Variants in MYO9A observed in about 807,000 individuals in gnomAD.
MYO9A encodes the protein unconventional myosin-IXa.
Under a neutral mutation model 293.3 loss-of-function variants are expected in MYO9A, and 103 were observed. That is an observed-to-expected ratio of 0.35 (90% CI 0.30 to 0.41). MYO9A has a LOEUF of 0.41. Among genes scored for constraint, MYO9A ranks in the 10% least tolerant of loss-of-function variants. The pLI is 1.00. For synonymous variants in MYO9A, 1,001 were observed against 1,035.7 expected (o/e 0.97, Z 0.64); for missense variants, 2,685 against 3,033.0 (o/e 0.89, Z 2.69).
At chr15:71,965,053 T>C (rs1484883488) in intron 13 of MYO9A, among the ~76,000 whole-genome samples, 1 of 152,066 alleles carries the variant, frequency 6.6e-6, no homozygotes, top group African/African-American at 2.4e-5. Flanking sequence ...TTGCTTTAAC[T>C]GTATCCTACA....
intron 1 of MYO9A, among the ~76,000 whole-genome samples, chr15:72,088,035 C>CA (rs1298127027): frequency 1.3e-5 from 2 of 151,796 alleles, no homozygotes; most frequent in Non-Finnish European, 2.9e-5. Flanking sequence ...GTGTGCACTA[C>CA]AAAAAAAGGT....
At chr15:72,108,768 T>TTG (rs2080666317) in intron 1 of MYO9A, among the ~76,000 whole-genome samples, 1 of 150,596 alleles carries the variant, frequency 6.6e-6, no homozygotes, top group Non-Finnish European at 1.5e-5. Context: ...ATACATTTTT[T>TTG]TTTTTTTTTT....
rs897787226 is a variant in MYO9A at position 71,991,351 on chromosome 15, T to C, written c.1588-114A>G. ...TTCCTCTAAAGCAGTGTACAGGGGA[T>C]TGTGTTTGGCCAGTATTCAAAACAT... On this transcript the variant is annotated intron_variant, in intron 10 of 41. Transcript: ENST00000356056. 41 of 753,348 alleles carry C rather than the reference T, an allele frequency of 5.4e-5. 1 individual carries two copies. The East Asian group carries it at 1.1e-3, about 20-fold the overall frequency. The allele number at this position is 753,348 out of a possible 1,614,324, so 46.7% of individuals were successfully genotyped here. A position where few individuals can be genotyped will look rare whatever the true frequency, so the allele number is the denominator to read the frequency against.
At chr15:72,101,601 G>T (rs1157693011) in intron 1 of MYO9A, among the ~76,000 whole-genome samples, 7 of 133,380 alleles carry the variant, frequency 5.2e-5, no homozygotes, top group Admixed American at 5.0e-4. Flanking sequence ...GAAGTGAGGA[G>T]CCCCTCTGCC....
chr15:72,079,317 A>T (rs35362359), intron 1 of MYO9A, among the ~76,000 whole-genome samples: 2,119 of 152,250 alleles, frequency 0.014, 22 homozygotes, highest in East Asian at 0.025. Context: ...AAGAAAATTT[A>T]AAATTTTAAA....
intron 14 of MYO9A, among the ~76,000 whole-genome samples, chr15:71,956,799 T>C (rs1282688576): frequency 6.7e-6 from 1 of 149,862 alleles, no homozygotes; most frequent in Non-Finnish European, 1.5e-5. Flanking sequence ...TGTATATATG[T>C]ATGCTATATA....
intron 7 of MYO9A, 121 bp downstream of exon 7, chr15:72,010,229 T>C (rs940171838): frequency 4.7e-6 from 3 of 644,390 alleles, no homozygotes; most frequent in Non-Finnish European, 8.0e-6. Context: ...TCGAGATGGA[T>C]GAGGTACTAG....
chr15:72,098,142 C>T (rs2080126011), intron 1 of MYO9A, among the ~76,000 whole-genome samples: 1 of 151,976 alleles, frequency 6.6e-6, no homozygotes, highest in South Asian at 2.1e-4. Context: ...TCCTCCTCCT[C>T]AAACATGAAT....
At chr15:71,847,660 A>T (rs1243325348) in intron 39 of MYO9A, among the ~76,000 whole-genome samples, 1 of 152,256 alleles carries the variant, frequency 6.6e-6, no homozygotes, top group Non-Finnish European at 1.5e-5. Context: ...CTGCCTGGAT[A>T]GCCACCACTA....
At chr15:72,052,474 A>G (rs2078594930) in intron 1 of MYO9A, among the ~76,000 whole-genome samples, 2 of 152,246 alleles carry the variant, frequency 1.3e-5, no homozygotes, top group Admixed American at 6.5e-5. Flanking sequence ...CAGGACTAAA[A>G]GAGCTATAAC....
Position 72,094,293 on chromosome 15 carries a change from A to AG in MYO9A, c.-72+23386dup, listed in dbSNP as rs2080009763. 2.2e-5 allele frequency among the ~76,000 whole-genome samples: 2 copies of AG among 91,204 alleles called. 1 individual carries two copies. Among genetic ancestry groups the AG allele is most frequent in the African/African-American group, 5.2e-5 (2 of 38,734 alleles). The allele number at this position is 91,204 out of a possible 152,430, so 59.8% of individuals were successfully genotyped here. A position where few individuals can be genotyped will look rare whatever the true frequency, so the allele number is the denominator to read the frequency against. On this transcript the variant is annotated intron_variant, in intron 1 of 41. Coordinates refer to ENST00000356056, the MANE Select transcript of MYO9A (RefSeq NM_006901.4). Reference sequence around the variant, plus strand: ...AGGAATAAAAGAAAAAATACATAAGAGTAAGAAAATCTAACATATATAGAC... The same window carrying AG: ...AGGAATAAAAGAAAAAATACATAAGAGGTAAGAAAATCTAACATATATAGAC...
At chr15:71,894,031 T>C (rs1365182946) in intron 25 of MYO9A, among the ~76,000 whole-genome samples, 4 of 152,132 alleles carry the variant, frequency 2.6e-5, no homozygotes, top group Non-Finnish European at 4.4e-5. Flanking sequence ...TGTTTAAGAA[T>C]AGTAGCTGCA....
chr15:71,876,064 GATT>G (rs2142273039), intron 31 of MYO9A, among the ~76,000 whole-genome samples: 1 of 152,076 alleles, frequency 6.6e-6, no homozygotes, highest in South Asian at 2.1e-4. Flanking sequence ...ATACTTTAGA[GATT>G]ATTCTTTTTT....
At chr15:72,089,304 A>G (rs2079834496) in intron 1 of MYO9A, among the ~76,000 whole-genome samples, 1 of 152,092 alleles carries the variant, frequency 6.6e-6, no homozygotes, top group South Asian at 2.1e-4. Flanking sequence ...CTAGGACTAT[A>G]GGCACACAGC....
At chr15:72,113,731 T>C (rs550841315) in intron 1 of MYO9A, among the ~76,000 whole-genome samples, 2 of 152,264 alleles carry the variant, frequency 1.3e-5, no homozygotes, top group East Asian at 1.9e-4. Flanking sequence ...TACCCATATA[T>C]ACATACAAAC....
intron 1 of MYO9A, among the ~76,000 whole-genome samples, chr15:72,080,773 C>G (rs2079521022): frequency 1.3e-5 from 2 of 152,058 alleles, no homozygotes; most frequent in Admixed American, 1.3e-4. Context: ...CACCCTCCAC[C>G]TCATCAATTA....
intron 17 of MYO9A, among the ~76,000 whole-genome samples, chr15:71,934,093 C>A (rs1031928991): frequency 6.6e-6 from 1 of 152,020 alleles, no homozygotes; most frequent in African/African-American, 2.4e-5. Flanking sequence ...TTTAAAAAAA[C>A]GTACTTATCA....
intron 22 of MYO9A, among the ~76,000 whole-genome samples, chr15:71,901,562 A>G (rs145348159): frequency 2.6e-4 from 40 of 152,160 alleles, no homozygotes; most frequent in African/African-American, 9.4e-4. Flanking sequence ...GTGGTGCTAC[A>G]TGCCTATACT....
At chr15:72,069,191 C>T (rs2079108193) in intron 1 of MYO9A, among the ~76,000 whole-genome samples, 1 of 152,178 alleles carries the variant, frequency 6.6e-6, no homozygotes, top group Non-Finnish European at 1.5e-5. Context: ...ACCTAATCAG[C>T]ATTAGACTTT....
Sources: allele counts gnomAD v4.1 joint callset (sites outside exome capture counted in the v4.1 genomes callset), GRCh38; gene constraint gnomAD v4.1.1; transcripts MANE v1.5; gene names NCBI Gene and HGNC (gene_info 2026-07-23, HGNC 2026-07-21).